The following CUL9 variants were observed in gnomAD, a reference collection of about 807,000 sequenced individuals.
CUL9 encodes the protein cullin 9, also known as cullin-9.
In CUL9, 79 loss-of-function variants were observed where a neutral mutation model predicts 272.6. The observed-to-expected ratio is 0.29, with a 90% CI of 0.24 to 0.35. The LOEUF (loss-of-function observed/expected upper bound fraction) is 0.35. Among genes scored for constraint, CUL9 ranks in the 10% least tolerant of loss-of-function variants. The pLI is 1.00. For synonymous variants in CUL9, 1,186 were observed against 1,286.5 expected, an observed-to-expected ratio of 0.92 and a Z score of 1.67; for missense variants, 2,532 against 3,255.6, an observed-to-expected ratio of 0.78 and a Z score of 5.41.
chr6:43,199,541 C>A lies in CUL9; in HGVS notation c.3156+170C>A, dbSNP rs1163569033. 6.6e-6 allele frequency among the ~76,000 whole-genome samples: 1 copy of A among 152,224 alleles called. No individual in the cohort carries two copies. The highest frequency in any genetic ancestry group is 1.9e-4 in the East Asian group (1 of 5,204). ...ATCTAAGAATCTCCAGAACTGGAAT[C>A]TTTGAAGTATAAACCTTTTAGATGA... is the stretch of plus-strand genomic sequence containing the variant. On this transcript the variant is annotated intron_variant, in intron 13 of 40. Transcript: ENST00000252050. The surrounding 1 kb of genome is among the most constrained non-coding windows in gnomAD (Gnocchi z 4.4).
rs2756178 is a variant in CUL9, at chr6:43,220,978, A to T, written c.6588+67A>T. The T allele has an allele frequency of 0.54, 798,957 of 1,483,798 alleles. 220,268 individuals carry two copies. Among genetic ancestry groups the T allele is most frequent in the African/African-American group, 0.89 (64,317 of 72,092 alleles). The allele number at this position is 1,483,798 out of a possible 1,614,324, so 91.9% of individuals were successfully genotyped here. ...CACTCCTTCCCTGCTTAATATCCCC[A>T]CCCCGCCACACACACAGACTGTGAC... On this transcript the variant is annotated intron_variant, in intron 33 of 40. Transcript: ENST00000252050. This position sits in a 1 kb window ranked among gnomAD's most constrained non-coding sequence, Gnocchi z 4.9.
At chr6:43,192,968 G>A in intron 8 of CUL9, 33 bp from the exon 9 acceptor site, 2 of 1,604,580 alleles carry the variant, frequency 1.2e-6, no homozygotes, top group South Asian at 2.2e-5. Flanking sequence ...GACTCCTTGG[G>A]ATGGGGAGCC....
At position 43,200,886 on chromosome 6, in the gene CUL9, A is replaced by G. The variant is rs771196616; in HGVS notation, c.3647+52A>G. Reference sequence around the variant, plus strand: ...TGCTGTGCCCCAGGATACTTCCCCAAAGCACCCAGATACACACAACCCCAG... The same window carrying G: ...TGCTGTGCCCCAGGATACTTCCCCAGAGCACCCAGATACACACAACCCCAG... On this transcript the variant is annotated intron_variant, in intron 16 of 40. Transcript: ENST00000252050. The surrounding 1 kb of genome is among the most constrained non-coding windows in gnomAD (Gnocchi z 4.0). The G allele has an allele frequency of 1.2e-6, 2 of 1,605,480 alleles. No individual in the cohort carries two copies. The highest frequency in any genetic ancestry group is 2.2e-5 in the East Asian group (1 of 44,726).
chr6:43,199,257 C>T lies in CUL9; in HGVS notation c.3051-9C>T, dbSNP rs747972554. 10 of 1,609,848 alleles carry T rather than the reference C, an allele frequency of 6.2e-6. No homozygotes were observed. Among genetic ancestry groups the T allele is most frequent in the South Asian group, 1.1e-5 (1 of 90,986 alleles). On this transcript the variant is annotated splice_polypyrimidine_tract_variant and intron_variant, in intron 12 of 40. Transcript: ENST00000252050. This position sits in a 1 kb window ranked among gnomAD's most constrained non-coding sequence, Gnocchi z 4.4. ...GGCCTGACTTCACTCGTTTCTACCC[C>T]CTCACCAGGGTCATAACCCGACTGC...
At chr6:43,216,108 C>T in intron 30 of CUL9, 50 bp from the exon 31 acceptor site, 1 of 1,536,080 alleles carries the variant, frequency 6.5e-7, no homozygotes, top group East Asian at 2.3e-5. Context: ...AGTTAGTAGG[C>T]TGGATAGCAG....
In CUL9 at chr6:43,221,856, C is replaced by G; in HGVS notation, c.6846+78C>G. The G allele has an allele frequency of 1.6e-6, 2 of 1,281,128 alleles. No homozygotes were observed. Among genetic ancestry groups the G allele is most frequent in the Non-Finnish European group, 2.2e-6 (2 of 904,492 alleles). 79.4% of individuals were successfully genotyped at this position (1,281,128 alleles called of 1,614,324 possible). A position where few individuals can be genotyped will look rare whatever the true frequency, so the allele number is the denominator to read the frequency against. ...GTGCTGCTACCAGGTCCTGGGCAGACAGGGCTCCTTGTGCAGTGCAGCATT... is the reference window on the plus strand; with the variant it reads ...GTGCTGCTACCAGGTCCTGGGCAGAGAGGGCTCCTTGTGCAGTGCAGCATT... On this transcript the variant is annotated intron_variant, in intron 35 of 40. Coordinates refer to ENST00000252050, the MANE Select transcript of CUL9 (RefSeq NM_015089.4). The surrounding 1 kb of genome is among the most constrained non-coding windows in gnomAD (Gnocchi z 4.2).
In CUL9 at chr6:43,186,591, G is replaced by A. The variant is rs997469468; in HGVS notation, c.1251+136G>A. On this transcript the variant is annotated intron_variant, in intron 4 of 40. Coordinates refer to ENST00000252050, the MANE Select transcript of CUL9 (RefSeq NM_015089.4). ...GAATTGGAATGATACAAGGGGGTTGGCATTTGTGCGGGGTGCATTTGGAGG... is the reference window on the plus strand; with the variant it reads ...GAATTGGAATGATACAAGGGGGTTGACATTTGTGCGGGGTGCATTTGGAGG... The A allele has an allele frequency of 1.7e-5, 22 of 1,306,452 alleles. No individual in the cohort carries two copies. The East Asian group carries it at 4.3e-4, about 25-fold the overall frequency. The allele number at this position is 1,306,452 out of a possible 1,614,324, so 80.9% of individuals were successfully genotyped here. A position where few individuals can be genotyped will look rare whatever the true frequency, so the allele number is the denominator to read the frequency against.
Position 43,220,664 on chromosome 6 carries a change from C to G in CUL9, c.6423+65C>G. The G allele has an allele frequency of 6.2e-7, 1 of 1,606,620 alleles. No homozygotes were observed. Among genetic ancestry groups the G allele is most frequent in the Non-Finnish European group, 8.5e-7 (1 of 1,175,640 alleles). Reference sequence around the variant, plus strand: ...AAAGGAGTGTGCCCCAGGGAGTGGGCTGAGCTATGGGGTGCTGGGGGCCTG... The same window carrying G: ...AAAGGAGTGTGCCCCAGGGAGTGGGGTGAGCTATGGGGTGCTGGGGGCCTG... On this transcript the variant is annotated intron_variant, in intron 32 of 40. Coordinates refer to ENST00000252050, the MANE Select transcript of CUL9 (RefSeq NM_015089.4). This position sits in a 1 kb window ranked among gnomAD's most constrained non-coding sequence, Gnocchi z 4.9.
chr6:43,221,532 G>A lies in CUL9; in HGVS notation c.6753-153G>A. On this transcript the variant is annotated intron_variant, in intron 34 of 40. Coordinates refer to ENST00000252050, the MANE Select transcript of CUL9 (RefSeq NM_015089.4). This position sits in a 1 kb window ranked among gnomAD's most constrained non-coding sequence, Gnocchi z 4.2. Reference sequence around the variant, plus strand: ...CACTGACTGGGGGAGTTCAAAAGCAGAGGTGCATTCAGCAGGGCTGGGTAT... The same window carrying A: ...CACTGACTGGGGGAGTTCAAAAGCAAAGGTGCATTCAGCAGGGCTGGGTAT... 7 of 868,100 alleles carry A rather than the reference G, an allele frequency of 8.1e-6. No individual in the cohort carries two copies. Among genetic ancestry groups the A allele is most frequent in the Non-Finnish European group, 1.1e-5 (6 of 569,966 alleles). The allele number at this position is 868,100 out of a possible 1,614,324, so 53.8% of individuals were successfully genotyped here.
intron 20 of CUL9, 43 bp from the exon 21 acceptor site, chr6:43,204,316 TC>T: frequency 1.2e-6 from 2 of 1,602,430 alleles, no homozygotes; most frequent in South Asian, 1.1e-5. Flanking sequence ...CTGTCTGTTC[TC>T]CCATCTCCCA....
chr6:43,216,567 G>A (rs1775953580), intron 31 of CUL9, 64 bp downstream of exon 31: 1 of 1,436,642 alleles, frequency 7.0e-7, no homozygotes, highest in Admixed American at 2.1e-5. Context: ...AAATTCCTTG[G>A]GAATTCTTGG....
chr6:43,186,535 C>T (rs1582284663), intron 4 of CUL9, 80 bp downstream of exon 4: 1 of 1,507,486 alleles, frequency 6.6e-7, no homozygotes, highest in East Asian at 2.3e-5. Flanking sequence ...AGGAGGACTC[C>T]TGCAGGCCAC....
In CUL9 at chr6:43,220,400, A is replaced by G. The variant is rs1484010885; in HGVS notation, c.6283-59A>G. On this transcript the variant is annotated intron_variant, in intron 31 of 40. Transcript: ENST00000252050. The surrounding 1 kb of genome is among the most constrained non-coding windows in gnomAD (Gnocchi z 4.9). ...GGGACGCTAGCTTAGTTACCAGGAC[A>G]CTCCCCCTGTGCTGCTCCCACACTG... 6 of 1,588,438 alleles carry G rather than the reference A, an allele frequency of 3.8e-6. No individual in the cohort carries two copies. In the African/African-American group the frequency reaches 5.4e-5, roughly 14 times the overall value.
rs751392047 is a variant in CUL9 at position 43,213,918 on chromosome 6, CAG to C, written c.5688+11_5688+12del. On this transcript the variant is annotated splice_region_variant and intron_variant, in intron 29 of 40. Transcript: ENST00000252050. This position sits in a 1 kb window ranked among gnomAD's most constrained non-coding sequence, Gnocchi z 5.7. ...TTGATCAGCTGGTTTGTCTGGTAGG[CAG>C]AGAGGGGACCATGAAGTTGGCGGAG... The C allele has an allele frequency of 1.9e-6, 3 of 1,613,830 alleles. No homozygotes were observed. In the East Asian group the frequency reaches 6.7e-5, roughly 36 times the overall value.
intron 4 of CUL9, 119 bp downstream of exon 4, chr6:43,186,574 A>AGGGCCCACTCC: frequency 3.6e-6 from 5 of 1,392,324 alleles, no homozygotes; most frequent in Non-Finnish European, 3.8e-6. Flanking sequence ...GGGAATTGGA[A>AGGGCCCACTCC]TGATACAAGG....
In CUL9 at chr6:43,216,215, C is replaced by A. The variant is rs896922683; in HGVS notation, c.5994C>A (p.Ser1998Arg). The A allele has an allele frequency of 3.7e-6, 6 of 1,613,460 alleles. No individual in the cohort carries two copies. Among genetic ancestry groups the A allele is most frequent in the African/African-American group, 1.3e-5 (1 of 74,914 alleles). The change falls in exon 31 of 41, where the codon AGC becomes AGA. Residue 1998 changes from serine (S) to arginine (R), a missense_variant. Coordinates refer to ENST00000252050, the MANE Select transcript of CUL9 (RefSeq NM_015089.4). ...SLQLPAGRTMSPQEVEGLMKQ... is the reference protein window; with the variant it reads ...SLQLPAGRTMRPQEVEGLMKQ... Reference sequence around the variant, plus strand: ...AGCTGCCTGCAGGCCGCACCATGAGCCCCCAGGAAGTAGAAGGGTTGATGA... The same window carrying A: ...AGCTGCCTGCAGGCCGCACCATGAGACCCCAGGAAGTAGAAGGGTTGATGA...
At position 43,206,106 on chromosome 6, in the gene CUL9, G is replaced by A. The variant is rs1288308040; in HGVS notation, c.4893G>A (p.Gln1631=). ...IGLCFPNRLP[Q]LMLQSLSTSE... ...TCTGTTTTCCCAACCGCCTCCCACA[G>A]CTGATGCTGCAGAGCCTGAGCACCT... The change falls in exon 25 of 41, where the codon CAG becomes CAA. Residue 1631 remains glutamine, a synonymous_variant. Transcript: ENST00000252050. This position sits in a 1 kb window ranked among gnomAD's most constrained non-coding sequence, Gnocchi z 4.8. 6.2e-7 allele frequency: 1 copy of A among 1,614,064 alleles called. No homozygotes were observed. The highest frequency in any genetic ancestry group is 1.1e-5 in the South Asian group (1 of 91,092).
Position 43,200,644 on chromosome 6 carries a change from C to T in CUL9, c.3476-19C>T, listed in dbSNP as rs772485183. On this transcript the variant is annotated intron_variant, in intron 15 of 40. Transcript: ENST00000252050. The surrounding 1 kb of genome is among the most constrained non-coding windows in gnomAD (Gnocchi z 4.0). ...AACTAACCTAGCTGTGACTGCCACC[C>T]CTTCCCACTTGCCCCCAGGCTCCAG... 3.7e-6 allele frequency: 6 copies of T among 1,614,014 alleles called. No homozygotes were observed. In the East Asian group the frequency reaches 8.9e-5, roughly 24 times the overall value.
In CUL9 at chr6:43,220,970, A is replaced by G; in HGVS notation, c.6588+59A>G. 6.6e-7 allele frequency: 1 copy of G among 1,512,740 alleles called. No individual in the cohort carries two copies. The highest frequency in any genetic ancestry group is 8.9e-7 in the Non-Finnish European group (1 of 1,124,762). 93.7% of individuals were successfully genotyped at this position (1,512,740 alleles called of 1,614,324 possible). A position where few individuals can be genotyped will look rare whatever the true frequency, so the allele number is the denominator to read the frequency against. ...AGGATTCACACTCCTTCCCTGCTTA[A>G]TATCCCCACCCCGCCACACACACAG... is the stretch of plus-strand genomic sequence containing the variant. On this transcript the variant is annotated intron_variant, in intron 33 of 40. Coordinates refer to ENST00000252050, the MANE Select transcript of CUL9 (RefSeq NM_015089.4). This position sits in a 1 kb window ranked among gnomAD's most constrained non-coding sequence, Gnocchi z 4.9.
Sources: allele counts gnomAD v4.1 joint callset (sites outside exome capture counted in the v4.1 genomes callset), GRCh38; gene constraint gnomAD v4.1.1; non-coding constraint Gnocchi (gnomAD v3.1); transcripts MANE v1.5; gene names NCBI Gene and HGNC (gene_info 2026-07-23, HGNC 2026-07-21).